The following RSPRY1 variants were observed in gnomAD, a reference collection of about 807,000 sequenced individuals.
RSPRY1 encodes the protein ring finger and SPRY domain containing 1.
RSPRY1 carries 23 observed loss-of-function variants against 73.1 expected under a neutral mutation model. The observed-to-expected ratio is 0.31, with a 90% CI of 0.23 to 0.45. RSPRY1 has a LOEUF of 0.45. RSPRY1 is among the 20% of genes least tolerant of loss of function. RSPRY1 has a pLI of 1.00. For missense variants in RSPRY1, 448 were observed against 698.7 expected (o/e 0.64, Z 4.05); for synonymous variants, 226 against 251.4 (o/e 0.90, Z 0.95).
Position 57,201,851 on chromosome 16 carries a change from C to A in RSPRY1, c.-155-2653C>A, listed in dbSNP as rs542088898. Among the ~76,000 whole-genome samples, 10 of 152,258 alleles carry A rather than the reference C, an allele frequency of 6.6e-5. No homozygotes were observed. The South Asian group carries it at 1.2e-3, about 19-fold the overall frequency. On this transcript the variant is annotated intron_variant, in intron 1 of 14. Transcript: ENST00000394420. ...GTGCGCGCCTGCAATCGCAGGCACT[C>A]GGCAGGCTGAGGCAGGAGAATCAGG...
intron 11 of RSPRY1, among the ~76,000 whole-genome samples, chr16:57,228,355 T>G (rs953439421): frequency 6.1e-5 from 9 of 147,252 alleles, no homozygotes; most frequent in Non-Finnish European, 1.2e-4. Context: ...ATTGGTGGTG[T>G]GGGAAAAAAA....
chr16:57,191,711 G>T (rs1184772150), intron 1 of RSPRY1, among the ~76,000 whole-genome samples: 1 of 151,554 alleles, frequency 6.6e-6, no homozygotes, highest in Non-Finnish European at 1.5e-5. Flanking sequence ...CAATATTTTG[G>T]CTTATAATGT....
intron 13 of RSPRY1, among the ~76,000 whole-genome samples, chr16:57,232,601 A>G (rs1221333173): frequency 6.6e-6 from 1 of 152,162 alleles, no homozygotes; most frequent in African/African-American, 2.4e-5. Context: ...GTCTTCTCAC[A>G]TATACCCTAA....
chr16:57,239,851 A>G lies in RSPRY1; in HGVS notation c.*876A>G, dbSNP rs1305358730. 6.6e-6 allele frequency: 1 copy of G among 152,184 alleles called. No individual in the cohort carries two copies. The highest frequency in any genetic ancestry group is 1.5e-5 in the Non-Finnish European group (1 of 68,028). 9.4% of individuals were successfully genotyped at this position (152,184 alleles called of 1,614,324 possible). On this transcript the variant is annotated 3_prime_UTR_variant, in exon 15 of 15. Transcript: ENST00000394420. ...TTTTTTAATCAGTATTGTTTTTACA[A>G]GTAATATACTTTGAAACTCTTGAAC...
chr16:57,192,912 C>T (rs1008458143), intron 1 of RSPRY1, among the ~76,000 whole-genome samples: 3 of 152,048 alleles, frequency 2.0e-5, no homozygotes, highest in African/African-American at 2.4e-5. Context: ...AACAGGGTTT[C>T]GCCATGTTGC....
intron 10 of RSPRY1, among the ~76,000 whole-genome samples, chr16:57,223,393 C>CTTAAGGA (rs1243075584): frequency 7.2e-5 from 11 of 152,174 alleles, no homozygotes; most frequent in African/African-American, 2.7e-4. Flanking sequence ...TTCAGGTAAC[C>CTTAAGGA]TACAGAACAG....
intron 1 of RSPRY1, 45 bp from the exon 2 acceptor site, chr16:57,204,459 G>A: frequency 1.8e-6 from 1 of 550,386 alleles, no homozygotes; most frequent in Non-Finnish European, 3.2e-6. Context: ...TAATTAAGTG[G>A]TCAAGAATCT....
At chr16:57,232,998 T>C (rs1267209527) in intron 13 of RSPRY1, among the ~76,000 whole-genome samples, 1 of 152,210 alleles carries the variant, frequency 6.6e-6, no homozygotes, top group Non-Finnish European at 1.5e-5. Flanking sequence ...AATTATAAAT[T>C]GTGGCATTAA....
intron 14 of RSPRY1, among the ~76,000 whole-genome samples, chr16:57,238,296 A>AT (rs1209878593): frequency 6.6e-5 from 10 of 152,172 alleles, no homozygotes; most frequent in Non-Finnish European, 1.2e-4. Context: ...GAGCAACATG[A>AT]TTTTTTTCTG....
At chr16:57,235,084 C>T (rs1269850923) in intron 13 of RSPRY1, 40 bp from the exon 14 acceptor site, 1 of 1,449,510 alleles carries the variant, frequency 6.9e-7, no homozygotes, top group Admixed American at 1.7e-5. Flanking sequence ...AACAGGACCC[C>T]TGTTGACAAA....
At chr16:57,237,268 C>T (rs1189650046) in intron 14 of RSPRY1, among the ~76,000 whole-genome samples, 1 of 151,960 alleles carries the variant, frequency 6.6e-6, no homozygotes, top group Admixed American at 6.5e-5. Flanking sequence ...CTCAGCCTCC[C>T]GAGTAGCTTG....
chr16:57,190,610 A>G (rs1384487169), intron 1 of RSPRY1, among the ~76,000 whole-genome samples: 1 of 152,270 alleles, frequency 6.6e-6, no homozygotes, highest in Non-Finnish European at 1.5e-5. Context: ...TATTCAAATT[A>G]GAAAATTGAA....
chr16:57,237,530 A>G (rs2075317564), intron 14 of RSPRY1, among the ~76,000 whole-genome samples: 1 of 152,176 alleles, frequency 6.6e-6, no homozygotes, highest in African/African-American at 2.4e-5. Context: ...CTGAGAAAGC[A>G]TTTGTTAAAA....
intron 4 of RSPRY1, among the ~76,000 whole-genome samples, chr16:57,210,468 T>C (rs2074819194): frequency 6.6e-6 from 1 of 151,892 alleles, no homozygotes; most frequent in African/African-American, 2.4e-5. Flanking sequence ...TTTGGGAGGC[T>C]GAGGTGGGTG....
At chr16:57,221,164 A>G (rs2075028514) in intron 9 of RSPRY1, 108 bp from the exon 10 acceptor site, 3 of 1,358,670 alleles carry the variant, frequency 2.2e-6, no homozygotes, top group Non-Finnish European at 3.1e-6. Flanking sequence ...GCAATAGTCC[A>G]CCAGAAGTTT....
In RSPRY1 at chr16:57,235,240, T is replaced by C; in HGVS notation, c.1634+12T>C. ...CCATGTGGACACAGGTAAGAGGATT[T>C]ATATTAGGCAAAGTTTCATACTGTT... On this transcript the variant is annotated intron_variant, in intron 14 of 14. Coordinates refer to ENST00000394420, the MANE Select transcript of RSPRY1 (RefSeq NM_133368.3). The C allele has an allele frequency of 1.9e-6, 3 of 1,573,502 alleles. No individual in the cohort carries two copies. Among genetic ancestry groups the C allele is most frequent in the Non-Finnish European group, 2.6e-6 (3 of 1,143,000 alleles).
intron 1 of RSPRY1, among the ~76,000 whole-genome samples, chr16:57,195,962 C>T (rs571077419): frequency 1.8e-4 from 27 of 147,654 alleles, no homozygotes; most frequent in Non-Finnish European, 2.8e-4. Context: ...ATAGAGGTTG[C>T]AGTGAGCCGA....
chr16:57,207,931 T>A (rs1457789821), intron 2 of RSPRY1, 127 bp from the exon 3 acceptor site: 2 of 670,224 alleles, frequency 3.0e-6, no homozygotes, highest in Non-Finnish European at 5.3e-6. Context: ...GTCTCTTCTA[T>A]CTCTTTCCTT....
intron 1 of RSPRY1, among the ~76,000 whole-genome samples, chr16:57,202,750 G>T (rs1437532206): frequency 6.6e-6 from 1 of 151,982 alleles, no homozygotes; most frequent in Non-Finnish European, 1.5e-5. Context: ...TGTCTTAATA[G>T]TGAAAACGTC....
Sources: gnomAD v4.1 joint callset for allele counts (sites outside exome capture counted in the v4.1 genomes callset) on GRCh38, gnomAD v4.1.1 for gene constraint, MANE v1.5 for transcripts, NCBI Gene and HGNC (gene_info 2026-07-23, HGNC 2026-07-21) for gene names.